Variants in TEF observed in about 807,000 individuals in gnomAD.
TEF encodes the protein thyrotroph embryonic factor.
Under a neutral mutation model 20.8 loss-of-function variants are expected in TEF, and 3 were observed. The ratio of observed to expected loss-of-function variants is 0.14; its 90% CI spans 0.07 to 0.37. TEF has a LOEUF of 0.37. TEF is among the 10% of genes least tolerant of loss of function. The probability of loss-of-function intolerance (pLI) is 1.00; values close to 1 mark genes in which losing one functional copy is unlikely to be tolerated. For synonymous variants in TEF, 180 were observed against 171.1 expected (o/e 1.05, Z -0.41); for missense variants, 296 against 397.9 (o/e 0.74, Z 2.18).
intron 1 of TEF, among the ~76,000 whole-genome samples, chr22:41,370,719 G>T (rs1569250262): frequency 6.6e-6 from 1 of 152,128 alleles, no homozygotes; most frequent in Admixed American, 6.5e-5. Context: ...GCCTCATTCC[G>T]TTTTCTAGTT....
At chr22:41,380,096 A>G (rs2145973298), upstream of TEF, among the ~76,000 whole-genome samples, 1 of 152,110 alleles carries the variant, frequency 6.6e-6, no homozygotes, top group South Asian at 2.1e-4. Context: ...CTTGCTTTCC[A>G]GGCCTGGTCA....
intron 1 of TEF, among the ~76,000 whole-genome samples, chr22:41,375,183 G>A (rs763581093): frequency 7.2e-5 from 11 of 152,142 alleles, no homozygotes; most frequent in Non-Finnish European, 1.0e-4. Flanking sequence ...CCCTGGTAGC[G>A]GACAGAATGC....
chr22:41,379,651 G>T (rs182601705), upstream of TEF, among the ~76,000 whole-genome samples: 163 of 152,294 alleles, frequency 1.1e-3, 1 homozygote, highest in African/African-American at 3.7e-3. Context: ...GATCACCGGA[G>T]GTCAGGAGTT....
upstream of TEF, among the ~76,000 whole-genome samples, chr22:41,380,598 T>C (rs1218218341): frequency 6.6e-6 from 1 of 152,212 alleles, no homozygotes; most frequent in Non-Finnish European, 1.5e-5. Context: ...ACTGTAGGGA[T>C]GCTGGATAAA....
At chr22:41,389,138 C>T (rs937214369) in intron 2 of TEF, among the ~76,000 whole-genome samples, 2 of 152,144 alleles carry the variant, frequency 1.3e-5, no homozygotes, top group South Asian at 4.1e-4. Context: ...CAGTGGCTCA[C>T]GTCTGTAATC....
chr22:41,378,950 G>T (rs1273398715), upstream of TEF, among the ~76,000 whole-genome samples: 3 of 152,226 alleles, frequency 2.0e-5, no homozygotes, highest in African/African-American at 7.2e-5. Context: ...ACTAACCTCT[G>T]GGATAATGGA....
At chr22:41,385,282 C>T (rs2037084037) in intron 1 of TEF, among the ~76,000 whole-genome samples, 1 of 152,038 alleles carries the variant, frequency 6.6e-6, no homozygotes, top group Non-Finnish European at 1.5e-5. Context: ...ATCGCTTGAA[C>T]ACGGGAGGCG....
chr22:41,378,607 G>C (rs966043797), upstream of TEF, among the ~76,000 whole-genome samples: 2 of 152,040 alleles, frequency 1.3e-5, no homozygotes, highest in African/African-American at 4.8e-5. Context: ...GCCTCCCAAA[G>C]TGCTGGGATT....
chr22:41,375,695 G>C (rs567585261), intron 1 of TEF, among the ~76,000 whole-genome samples: 8 of 147,486 alleles, frequency 5.4e-5, no homozygotes, highest in African/African-American at 2.0e-4. Context: ...CTGCACTCCA[G>C]CCTGGGCAAC....
At chr22:41,381,893 G>C (rs2145976354), upstream of TEF, 3 of 1,225,886 alleles carry the variant, frequency 2.4e-6, no homozygotes, top group Non-Finnish European at 2.0e-6. Flanking sequence ...GAGCCGGTCC[G>C]CAGGCGGGGT....
chr22:41,389,637 T>G (rs903135424), intron 2 of TEF, among the ~76,000 whole-genome samples: 17 of 149,608 alleles, frequency 1.1e-4, no homozygotes, highest in African/African-American at 4.2e-4. Flanking sequence ...AAATAAAAGT[T>G]TTTTTTTTTT....
At chr22:41,394,471 A>T (rs2037204363) in intron 3 of TEF, among the ~76,000 whole-genome samples, 155 bp downstream of exon 3, 1 of 152,168 alleles carries the variant, frequency 6.6e-6, no homozygotes, top group African/African-American at 2.4e-5. Context: ...ATCCTTCAGC[A>T]GTTTGGTAGA....
At chr22:41,367,677 C>T (rs1601807260) in intron 1 of TEF, 3 of 1,414,914 alleles carry the variant, frequency 2.1e-6, no homozygotes, top group African/African-American at 2.8e-5. Flanking sequence ...GGCACAGTGG[C>T]AGGACAGGCA....
In TEF at chr22:41,393,553, A is replaced by G. The variant is rs537684401; in HGVS notation, c.476-543A>G. On this transcript the variant is annotated intron_variant, in intron 2 of 3. Coordinates refer to ENST00000266304, the MANE Select transcript of TEF (RefSeq NM_003216.4). ...AGGCGGATCACAAGGTCAGGAGATC[A>G]AGACCATCCTGGCTAACACAGTAAA... Among the ~76,000 whole-genome samples, 37 of 152,196 alleles carry G rather than the reference A, an allele frequency of 2.4e-4. No homozygotes were observed. In the East Asian group the frequency reaches 5.2e-3, roughly 22 times the overall value.
intron 3 of TEF, among the ~76,000 whole-genome samples, chr22:41,394,553 G>T (rs1184733809): frequency 6.6e-6 from 1 of 152,234 alleles, no homozygotes; most frequent in Non-Finnish European, 1.5e-5. Flanking sequence ...CGGGCCATCG[G>T]CTGTGTTGAT....
At chr22:41,379,738 A>G (rs1464195016), upstream of TEF, among the ~76,000 whole-genome samples, 3 of 151,712 alleles carry the variant, frequency 2.0e-5, no homozygotes, top group African/African-American at 7.3e-5. Context: ...TACTAAAAAT[A>G]CAAAATTAGC....
At chr22:41,373,659 G>A (rs1179787315) in intron 1 of TEF, among the ~76,000 whole-genome samples, 1 of 151,726 alleles carries the variant, frequency 6.6e-6, no homozygotes, top group Non-Finnish European at 1.5e-5. Context: ...TAGTAGAGAC[G>A]AGGTGTCACC....
rs2037037955 is a variant in TEF, at chr22:41,382,213, G to A, written c.157+12G>A. 18 of 1,230,334 alleles carry A rather than the reference G, an allele frequency of 1.5e-5. No individual in the cohort carries two copies. Among genetic ancestry groups the A allele is most frequent in the Admixed American group, 4.2e-5 (1 of 23,794 alleles). The allele number at this position is 1,230,334 out of a possible 1,614,324, so 76.2% of individuals were successfully genotyped here. A position where few individuals can be genotyped will look rare whatever the true frequency, so the allele number is the denominator to read the frequency against. Reference sequence around the variant, plus strand: ...CGAGGCGCGCCTCGGTGAGGGCGGGGGGGTGGTCCGCGCGGGCTGGGGGCG... The same window carrying A: ...CGAGGCGCGCCTCGGTGAGGGCGGGAGGGTGGTCCGCGCGGGCTGGGGGCG... On this transcript the variant is annotated intron_variant, in intron 1 of 3. Transcript: ENST00000266304.
upstream of TEF, chr22:41,381,927 C>G (rs2037030584): frequency 8.2e-7 from 1 of 1,225,762 alleles, no homozygotes; most frequent in South Asian, 4.2e-5. Context: ...GGCGGGGGCG[C>G]CATTGGGCGC....
Sources: gnomAD v4.1 joint callset for allele counts (sites outside exome capture counted in the v4.1 genomes callset) on GRCh38, gnomAD v4.1.1 for gene constraint, MANE v1.5 for transcripts, NCBI Gene and HGNC (gene_info 2026-07-23, HGNC 2026-07-21) for gene names.